Variants in TOX3 observed in about 807,000 individuals in gnomAD.
TOX3 encodes TOX high mobility group box family member 3.
A neutral mutation model predicts 64.3 loss-of-function variants in TOX3; 22 were observed. The observed-to-expected ratio is 0.34, with a 90% CI of 0.24 to 0.49. The LOEUF (loss-of-function observed/expected upper bound fraction) is 0.49, where lower values mean the gene tolerates loss of function less well. TOX3 is among the 20% of genes least tolerant of loss of function. The pLI, the probability that TOX3 is intolerant of heterozygous loss-of-function variation, is 0.99. For missense variants in TOX3, 661 were observed against 714.4 expected (o/e 0.93, Z 0.85); for synonymous variants, 291 against 273.6 (o/e 1.06, Z -0.63).
intron 1 of TOX3, among the ~76,000 whole-genome samples, chr16:52,523,893 A>T (rs1337211448): frequency 1.3e-5 from 2 of 152,214 alleles, no homozygotes; most frequent in Non-Finnish European, 2.9e-5. Flanking sequence ...CAGTCTTTGC[A>T]GTTCATTAGA....
At chr16:52,440,082 C>A (rs374331504) in intron 6 of TOX3, 114 bp from the exon 7 acceptor site, 50 of 837,688 alleles carry the variant, frequency 6.0e-5, no homozygotes, top group Non-Finnish European at 8.3e-5. Flanking sequence ...TTATTCATGC[C>A]CTCCTGTATG....
At chr16:52,496,495 A>G (rs1961853019) in intron 1 of TOX3, among the ~76,000 whole-genome samples, 2 of 152,252 alleles carry the variant, frequency 1.3e-5, no homozygotes, top group Admixed American at 6.5e-5. Context: ...GATCAAAATG[A>G]TCCTCTTTGC....
chr16:52,536,974 A>G (rs1156681726), intron 1 of TOX3, among the ~76,000 whole-genome samples: 1 of 151,808 alleles, frequency 6.6e-6, no homozygotes, highest in African/African-American at 2.4e-5. Context: ...ATAGTTACCA[A>G]GGCTTCATTT....
intron 5 of TOX3, chr16:52,445,368 G>T (rs1043370793): frequency 2.0e-5 from 3 of 152,310 alleles, no homozygotes; most frequent in African/African-American, 7.2e-5. Flanking sequence ...AAGGAGTAAG[G>T]GGGGGATCGA....
intron 6 of TOX3, among the ~76,000 whole-genome samples, chr16:52,443,664 A>G (rs925352459): frequency 6.6e-6 from 1 of 152,324 alleles, no homozygotes; most frequent in South Asian, 2.1e-4. Flanking sequence ...TGTTAATATC[A>G]TGTATTAGCT....
chr16:52,508,108 G>A (rs1428432985), intron 1 of TOX3, among the ~76,000 whole-genome samples: 2 of 152,208 alleles, frequency 1.3e-5, no homozygotes, highest in Non-Finnish European at 2.9e-5. Flanking sequence ...AGTTTCCATT[G>A]TATAAGAAAA....
chr16:52,542,828 C>T lies in TOX3; in HGVS notation c.87+3809G>A, dbSNP rs529767056. Among the ~76,000 whole-genome samples the T allele has an allele frequency of 6.6e-5, 10 of 152,250 alleles. No individual in the cohort carries two copies. In the South Asian group the frequency reaches 1.7e-3, roughly 25 times the overall value. ...ATGTTCTCAATTTGAACCATGATCC[C>T]CAAGAAGATTGACAAATGACAAATT... On this transcript the variant is annotated intron_variant, in intron 1 of 6. Coordinates refer to ENST00000219746, the MANE Select transcript of TOX3 (RefSeq NM_001080430.4).
chr16:52,519,110 G>A (rs1291886183), intron 1 of TOX3, among the ~76,000 whole-genome samples: 1 of 152,192 alleles, frequency 6.6e-6, no homozygotes, highest in Non-Finnish European at 1.5e-5. Context: ...TATCATGCGA[G>A]GCATGTAGAA....
chr16:52,473,380 T>A (rs1961106074), intron 1 of TOX3, among the ~76,000 whole-genome samples: 1 of 151,638 alleles, frequency 6.6e-6, no homozygotes, highest in African/African-American at 2.4e-5. Context: ...AAAAAGATAA[T>A]CCTTCGAATT....
intron 1 of TOX3, among the ~76,000 whole-genome samples, chr16:52,472,501 T>A (rs551191553): frequency 6.6e-6 from 1 of 152,306 alleles, no homozygotes. Flanking sequence ...TTAATATGAA[T>A]CAACTAAATA....
intron 1 of TOX3, among the ~76,000 whole-genome samples, chr16:52,483,676 C>T (rs1200718873): frequency 1.4e-5 from 2 of 142,138 alleles, no homozygotes; most frequent in East Asian, 4.6e-4. Context: ...TCAAGTCATT[C>T]TCCTGCCTCA....
At chr16:52,491,374 G>A (rs1444750014) in intron 1 of TOX3, among the ~76,000 whole-genome samples, 1 of 152,056 alleles carries the variant, frequency 6.6e-6, no homozygotes, top group Admixed American at 6.6e-5. Context: ...AGCTGTGAGC[G>A]CCCCCAGTAG....
chr16:52,545,126 T>G (rs999368302), intron 1 of TOX3, among the ~76,000 whole-genome samples: 2 of 152,214 alleles, frequency 1.3e-5, no homozygotes, highest in Non-Finnish European at 2.9e-5. Context: ...TTAAAGCATT[T>G]AATAACCTGA....
chr16:52,439,382 T>G lies in TOX3; in HGVS notation c.1574A>C (p.Gln525Pro), dbSNP rs1191296889. The G allele has an allele frequency of 6.3e-7, 1 of 1,599,910 alleles. No homozygotes were observed. Among genetic ancestry groups the G allele is most frequent in the East Asian group, 2.2e-5 (1 of 44,464 alleles). Reference protein sequence around the residue: ...QLQQLQHMQHQSQPSPRQHSP... With the variant: ...QLQQLQHMQHPSQPSPRQHSP... Reference sequence around the variant, plus strand: ...GTGCTGCCGAGGAGAAGGCTGAGACTGGTGCTGCATGTGTTGCAGCTGCTG... The same window carrying G: ...GTGCTGCCGAGGAGAAGGCTGAGACGGGTGCTGCATGTGTTGCAGCTGCTG... Residue 525 changes from glutamine to proline, a missense_variant, in exon 7 of 7, where the codon CAG becomes CCG. Transcript: ENST00000219746.
chr16:52,546,953 C>G lies in TOX3; in HGVS notation c.-230G>C, dbSNP rs1596877601. ...AGAGCGGGAGGCGGCCGGGGGGACG[C>G]GCCCCGCCGGGGCACCGAGGCAGCG... On this transcript the variant is annotated 5_prime_UTR_variant, in exon 1 of 7. Transcript: ENST00000219746. 3.0e-6 allele frequency: 3 copies of G among 984,836 alleles called. No homozygotes were observed. The East Asian group carries it at 3.4e-4, about 112-fold the overall frequency. 61.0% of individuals were successfully genotyped at this position (984,836 alleles called of 1,614,324 possible).
At chr16:52,474,164 CG>C (rs1227554566) in intron 1 of TOX3, among the ~76,000 whole-genome samples, 5 of 152,030 alleles carry the variant, frequency 3.3e-5, no homozygotes, top group Admixed American at 6.5e-5. Flanking sequence ...TTGGTGACTC[CG>C]GCCAAATATC....
At chr16:52,514,268 C>T (rs1962385840) in intron 1 of TOX3, among the ~76,000 whole-genome samples, 1 of 152,172 alleles carries the variant, frequency 6.6e-6, no homozygotes, top group African/African-American at 2.4e-5. Context: ...GACGGCCACC[C>T]AAACATACAA....
chr16:52,481,991 C>T (rs988789634), intron 1 of TOX3, among the ~76,000 whole-genome samples: 6 of 152,282 alleles, frequency 3.9e-5, no homozygotes, highest in Admixed American at 1.3e-4. Flanking sequence ...ATTCCAAAAT[C>T]TGTAACTTAA....
intron 1 of TOX3, among the ~76,000 whole-genome samples, chr16:52,535,000 C>G (rs1962919492): frequency 6.6e-6 from 1 of 151,952 alleles, no homozygotes; most frequent in Non-Finnish European, 1.5e-5. Context: ...AAATAAAATC[C>G]CAAAACTGAA....
Sources: allele counts gnomAD v4.1 joint callset (sites outside exome capture counted in the v4.1 genomes callset), GRCh38; gene constraint gnomAD v4.1.1; transcripts MANE v1.5; gene names NCBI Gene and HGNC (gene_info 2026-07-23, HGNC 2026-07-21).